COPS7B: variants seen among roughly 807,000 people sequenced by gnomAD.
The protein encoded by COPS7B is COP9 signalosome complex subunit 7b.
Under a neutral mutation model 33.4 loss-of-function variants are expected in COPS7B, and 9 were observed. The observed-to-expected ratio is 0.27, with a 90% CI of 0.16 to 0.47. The LOEUF (loss-of-function observed/expected upper bound fraction) is 0.47. Among genes scored for constraint, COPS7B ranks in the 20% least tolerant of loss-of-function variants. The probability of loss-of-function intolerance (pLI) is 0.99; values close to 1 mark genes in which losing one functional copy is unlikely to be tolerated. For missense variants in COPS7B, 242 were observed against 318.2 expected, an observed-to-expected ratio of 0.76 and a Z score of 1.82; for synonymous variants, 119 against 126.3, an observed-to-expected ratio of 0.94 and a Z score of 0.39.
chr2:231,796,809 G>A (rs1224689661), intron 5 of COPS7B, among the ~76,000 whole-genome samples: 2 of 152,328 alleles, frequency 1.3e-5, no homozygotes, highest in Admixed American at 6.5e-5. Context: ...GTAAAACACC[G>A]TGAGGGACAT....
rs1054572179 is a variant in COPS7B, at chr2:231,786,476, C to G, written c.-79C>G. On this transcript the variant is annotated 5_prime_UTR_variant, in exon 1 of 7. Transcript: ENST00000350033. ...CGGGGTGATCATGGACGCTTGACAACCTGCGGGCAGGCGCCGGGAGGCCGA... is the reference window on the plus strand; with the variant it reads ...CGGGGTGATCATGGACGCTTGACAAGCTGCGGGCAGGCGCCGGGAGGCCGA... The G allele has an allele frequency of 1.0e-6, 1 of 986,024 alleles. No individual in the cohort carries two copies. Among genetic ancestry groups the G allele is most frequent in the East Asian group, 1.1e-4 (1 of 8,822 alleles). 61.1% of individuals were successfully genotyped at this position (986,024 alleles called of 1,614,324 possible).
chr2:231,793,303 G>A (rs1157114891), intron 3 of COPS7B, among the ~76,000 whole-genome samples: 1 of 152,204 alleles, frequency 6.6e-6, no homozygotes, highest in African/African-American at 2.4e-5. Flanking sequence ...GGGATAAAAA[G>A]CCTGTCTCCG....
chr2:231,792,895 C>T (rs1231081203), intron 3 of COPS7B, among the ~76,000 whole-genome samples: 1 of 152,162 alleles, frequency 6.6e-6, no homozygotes, highest in Admixed American at 6.5e-5. Context: ...CTTCTTTCTC[C>T]CTGGTCACTT....
chr2:231,806,206 A>G (rs1288861209), intron 6 of COPS7B, among the ~76,000 whole-genome samples: 3 of 152,044 alleles, frequency 2.0e-5, no homozygotes, highest in Admixed American at 6.6e-5. Context: ...CCTCAAGCTC[A>G]TAATATTCTG....
intron 6 of COPS7B, among the ~76,000 whole-genome samples, chr2:231,804,119 C>T (rs1379049630): frequency 2.0e-5 from 3 of 152,098 alleles, no homozygotes; most frequent in Non-Finnish European, 2.9e-5. Flanking sequence ...ATAGGTGAAG[C>T]GGATTGAAAA....
At chr2:231,795,360 G>T (rs899203711) in intron 4 of COPS7B, among the ~76,000 whole-genome samples, 12 of 152,130 alleles carry the variant, frequency 7.9e-5, no homozygotes, top group East Asian at 1.9e-4. Flanking sequence ...ACTGCACTTG[G>T]TTTTTTTGTT....
intron 3 of COPS7B, chr2:231,792,107 A>G (rs2049434941): frequency 3.4e-6 from 2 of 584,522 alleles, no homozygotes; most frequent in East Asian, 8.1e-5. Context: ...TGTGAAGTGC[A>G]GAATACCCAC....
intron 5 of COPS7B, among the ~76,000 whole-genome samples, chr2:231,798,014 A>G (rs1246659026): frequency 3.3e-5 from 5 of 151,852 alleles, no homozygotes; most frequent in Non-Finnish European, 7.4e-5. Flanking sequence ...CAGCCTCCCT[A>G]GTAGCTGGGA....
At chr2:231,781,752 C>G, upstream of COPS7B, 1 of 1,347,012 alleles carries the variant, frequency 7.4e-7, no homozygotes, top group Non-Finnish European at 1.0e-6. Context: ...CAAACCCGCC[C>G]GCTGAGTTGG....
Position 231,794,225 on chromosome 2 carries a change from T to G in COPS7B, c.239-38T>G, listed in dbSNP as rs754605086. ...TCCATAAAAGAAATCCTAATTTTAT[T>G]TTGTGTCTTGATTTTTGTGGTGGGT... On this transcript the variant is annotated intron_variant, in intron 3 of 6. Transcript: ENST00000350033. 106 of 1,561,820 alleles carry G rather than the reference T, an allele frequency of 6.8e-5. 1 individual carries two copies. The highest frequency in any genetic ancestry group is 9.2e-5 in the Non-Finnish European group (105 of 1,136,294).
intron 2 of COPS7B, chr2:231,790,124 G>T (rs2049369738): frequency 1.3e-5 from 2 of 152,152 alleles, no homozygotes; most frequent in Non-Finnish European, 2.9e-5. Context: ...GAAAATTTCA[G>T]AAAACTGAGT....
upstream of COPS7B, chr2:231,786,007 A>G (rs2049229963): frequency 6.6e-6 from 1 of 152,204 alleles, no homozygotes; most frequent in South Asian, 2.1e-4. Context: ...AATGGGAACA[A>G]TAATACAAGC....
At chr2:231,799,134 C>T (rs1267051826) in intron 6 of COPS7B, among the ~76,000 whole-genome samples, 170 bp downstream of exon 6, 2 of 152,186 alleles carry the variant, frequency 1.3e-5, no homozygotes, top group African/African-American at 2.4e-5. Flanking sequence ...ACGGCTCCTG[C>T]TCTTGGTGTT....
At chr2:231,786,708 C>A (rs2049255914) in intron 1 of COPS7B, among the ~76,000 whole-genome samples, 170 bp downstream of exon 1, 1 of 152,258 alleles carries the variant, frequency 6.6e-6, no homozygotes, top group Non-Finnish European at 1.5e-5. Context: ...CTGCTTGGAG[C>A]ATACCGCCCA....
chr2:231,800,127 C>T (rs12621617), intron 6 of COPS7B, among the ~76,000 whole-genome samples: 6,030 of 152,158 alleles, frequency 0.04, 293 homozygotes, highest in East Asian at 0.23. Flanking sequence ...ATGTTTAATC[C>T]GACTAGCCAA....
chr2:231,795,000 A>G (rs575883589), intron 4 of COPS7B, among the ~76,000 whole-genome samples: 4 of 150,644 alleles, frequency 2.7e-5, no homozygotes, highest in South Asian at 2.1e-4. Context: ...GCTTACTGCA[A>G]CCTCCACCTC....
upstream of COPS7B, among the ~76,000 whole-genome samples, chr2:231,783,944 C>T (rs935520805): frequency 1.3e-5 from 2 of 152,078 alleles, no homozygotes; most frequent in African/African-American, 4.8e-5. Flanking sequence ...GCAATAGTTC[C>T]GTGCTTTTTA....
At chr2:231,801,079 C>T (rs944228336) in intron 6 of COPS7B, 1 of 1,485,622 alleles carries the variant, frequency 6.7e-7, no homozygotes, top group Non-Finnish European at 9.2e-7. Context: ...CTTGGCCTAA[C>T]TTTTAAAAGC....
At chr2:231,798,254 CTTTT>C (rs532747492) in intron 5 of COPS7B, among the ~76,000 whole-genome samples, 5 of 116,742 alleles carry the variant, frequency 4.3e-5, no homozygotes, top group Non-Finnish European at 8.7e-5. Context: ...ATTCTACCTT[CTTTT>C]TTTTTTTTTT....
Sources: gnomAD v4.1 joint callset for allele counts (sites outside exome capture counted in the v4.1 genomes callset) on GRCh38, gnomAD v4.1.1 for gene constraint, MANE v1.5 for transcripts, NCBI Gene and HGNC (gene_info 2026-07-23, HGNC 2026-07-21) for gene names.